ABLIM3: variants seen among roughly 807,000 people sequenced by gnomAD.
ABLIM3 encodes the protein actin binding LIM protein family member 3.
Under a neutral mutation model 109.5 loss-of-function variants are expected in ABLIM3, and 61 were observed. The observed-to-expected ratio is 0.56, with a 90% CI of 0.45 to 0.69. ABLIM3 has a LOEUF of 0.69. Among genes scored for constraint, ABLIM3 ranks in the 30% least tolerant of loss-of-function variants. The probability of loss-of-function intolerance (pLI) is 0.00; values close to 1 mark genes in which losing one functional copy is unlikely to be tolerated. For missense variants in ABLIM3, 796 were observed against 889.5 expected (o/e 0.89, Z 1.34); for synonymous variants, 300 against 324.8 (o/e 0.92, Z 0.82).
chr5:149,146,911 G>A (rs1752983526), intron 2 of ABLIM3, among the ~76,000 whole-genome samples: 1 of 152,146 alleles, frequency 6.6e-6, no homozygotes, highest in African/African-American at 2.4e-5. Flanking sequence ...GGGCAGTATG[G>A]CTGTTTTAAT....
At chr5:149,172,047 A>G (rs560059424) in intron 2 of ABLIM3, among the ~76,000 whole-genome samples, 21 of 152,352 alleles carry the variant, frequency 1.4e-4, no homozygotes, top group African/African-American at 4.8e-4. Context: ...TTTTATTTAA[A>G]TAATCACAAA....
chr5:149,245,489 G>A (rs1327102406), intron 16 of ABLIM3, among the ~76,000 whole-genome samples: 1 of 152,228 alleles, frequency 6.6e-6, no homozygotes, highest in Non-Finnish European at 1.5e-5. Context: ...ACTCAGAGAG[G>A]AAGAGAAGCA....
intron 7 of ABLIM3, among the ~76,000 whole-genome samples, chr5:149,214,961 A>G (rs1340432247): frequency 6.6e-6 from 1 of 152,098 alleles, no homozygotes; most frequent in Non-Finnish European, 1.5e-5. Context: ...CAGTTCGTTA[A>G]TAGACAAAAT....
intron 5 of ABLIM3, 105 bp downstream of exon 5, chr5:149,200,533 G>A (rs2127498911): frequency 1.7e-6 from 2 of 1,201,746 alleles, no homozygotes; most frequent in Non-Finnish European, 2.4e-6. Context: ...GGAAGTGGGA[G>A]AGGTTCCCAA....
chr5:149,241,118 G>A (rs958623797), intron 14 of ABLIM3, among the ~76,000 whole-genome samples: 1 of 152,226 alleles, frequency 6.6e-6, no homozygotes, highest in African/African-American at 2.4e-5. Context: ...AAAGCTCTTG[G>A]GATGGAATCC....
chr5:149,213,378 G>C (rs1759752835), intron 7 of ABLIM3, among the ~76,000 whole-genome samples: 1 of 152,216 alleles, frequency 6.6e-6, no homozygotes, highest in Admixed American at 6.5e-5. Flanking sequence ...TCAGTGAAAG[G>C]ACAGAGCTTC....
intron 2 of ABLIM3, among the ~76,000 whole-genome samples, chr5:149,157,080 T>C (rs1357995234): frequency 6.6e-6 from 1 of 152,216 alleles, no homozygotes; most frequent in Non-Finnish European, 1.5e-5. Flanking sequence ...TCATTGGGAA[T>C]AGACACAGAG....
chr5:149,237,781 C>T (rs1049079388), intron 11 of ABLIM3, among the ~76,000 whole-genome samples, 178 bp downstream of exon 11: 2 of 152,174 alleles, frequency 1.3e-5, no homozygotes, highest in South Asian at 2.1e-4. Context: ...CTTTCTGGCT[C>T]TTCTTGAAAA....
intron 4 of ABLIM3, chr5:149,199,003 C>T (rs2068262): frequency 0.66 from 299,797 of 454,572 alleles, 99,725 homozygotes; most frequent in Middle Eastern, 0.78. Flanking sequence ...TTTTTATTAT[C>T]CTTTTCATTA....
At chr5:149,204,731 G>A (rs1758805662) in intron 5 of ABLIM3, among the ~76,000 whole-genome samples, 1 of 152,228 alleles carries the variant, frequency 6.6e-6, no homozygotes, top group Admixed American at 6.5e-5. Flanking sequence ...GTGTTTTAAG[G>A]AAGATATTCA....
chr5:149,202,708 C>T (rs142173080), intron 5 of ABLIM3, among the ~76,000 whole-genome samples: 1 of 152,252 alleles, frequency 6.6e-6, no homozygotes, highest in African/African-American at 2.4e-5. Context: ...AGTGTCTACT[C>T]CAAAGAGACC....
intron 2 of ABLIM3, 55 bp from the exon 3 acceptor site, chr5:149,183,397 A>T: frequency 1.4e-6 from 2 of 1,460,616 alleles, no homozygotes; most frequent in Admixed American, 2.6e-5. Flanking sequence ...GTCTTGCAGC[A>T]GACTTTGTAA....
intron 16 of ABLIM3, 51 bp downstream of exon 16, chr5:149,245,066 GACACGGGTGTTCAGA>G: frequency 6.2e-7 from 1 of 1,611,254 alleles, no homozygotes; most frequent in Non-Finnish European, 8.5e-7. Context: ...CTGTGCCAAG[GACACGGGTGTTCAGA>G]ACAGTTGCCC....
At chr5:149,168,961 A>T (rs1293479254) in intron 2 of ABLIM3, among the ~76,000 whole-genome samples, 1 of 151,144 alleles carries the variant, frequency 6.6e-6, no homozygotes, top group Non-Finnish European at 1.5e-5. Context: ...CTGTATTTTA[A>T]CAATCCCGCT....
At chr5:149,151,514 G>A (rs1057507763) in intron 2 of ABLIM3, among the ~76,000 whole-genome samples, 1 of 152,224 alleles carries the variant, frequency 6.6e-6, no homozygotes, top group African/African-American at 2.4e-5. Context: ...ACTAGCGTGA[G>A]ATGCTAACAG....
chr5:149,145,476 A>C (rs139249529), intron 2 of ABLIM3, among the ~76,000 whole-genome samples: 1 of 152,322 alleles, frequency 6.6e-6, no homozygotes, highest in Non-Finnish European at 1.5e-5. Context: ...TCCTTTTGGC[A>C]GGATGACTTA....
rs199607672 is a variant in ABLIM3 at position 149,186,504 on chromosome 5, AT to A, written c.151+2918del. Among the ~76,000 whole-genome samples the A allele has an allele frequency of 6.7e-3, 1,016 of 152,268 alleles. 10 individuals are homozygous for A. The highest frequency in any genetic ancestry group is 7.8e-3 in the Non-Finnish European group (533 of 68,010). On this transcript the variant is annotated intron_variant, in intron 3 of 23. Transcript: ENST00000309868. Reference sequence around the variant, plus strand: ...ATTCATGACTATATTCGTGTTATATATTTGTTATAAATAAAAATTTATAACA... The same window carrying A: ...ATTCATGACTATATTCGTGTTATATATTGTTATAAATAAAAATTTATAACA...
intron 2 of ABLIM3, among the ~76,000 whole-genome samples, chr5:149,171,660 T>A (rs1282157213): frequency 6.6e-6 from 1 of 152,204 alleles, no homozygotes; most frequent in Non-Finnish European, 1.5e-5. Context: ...TGACAGCTTG[T>A]GTATGGAACA....
rs575586697 is a variant in ABLIM3, at chr5:149,208,843, A to C, written c.575+1709A>C. Reference sequence around the variant, plus strand: ...CAAATAAAGGGCTGTGAATATTCAGAGAAAAAAAGGATGACTGCTAACTAG... The same window carrying C: ...CAAATAAAGGGCTGTGAATATTCAGCGAAAAAAAGGATGACTGCTAACTAG... On this transcript the variant is annotated intron_variant, in intron 6 of 23. Transcript: ENST00000309868. Among the ~76,000 whole-genome samples, 14 of 152,360 alleles carry C rather than the reference A, an allele frequency of 9.2e-5. No individual in the cohort carries two copies. In the South Asian group the frequency reaches 2.5e-3, roughly 27 times the overall value.
Sources: allele counts gnomAD v4.1 joint callset (sites outside exome capture counted in the v4.1 genomes callset), GRCh38; gene constraint gnomAD v4.1.1; transcripts MANE v1.5; gene names NCBI Gene and HGNC (gene_info 2026-07-23, HGNC 2026-07-21).